The following GPC5 variants were observed in gnomAD, a reference collection of about 807,000 sequenced individuals.
GPC5 encodes glypican 5.
GPC5 carries 47 observed loss-of-function variants against 53.9 expected under a neutral mutation model. That is an observed-to-expected ratio of 0.87 (90% confidence interval 0.69 to 1.11). GPC5 has a LOEUF of 1.11. Ranked by LOEUF, GPC5 falls within the 50% of genes most tolerant of loss-of-function variation. GPC5 has a pLI of 0.00. For missense variants in GPC5, 748 were observed against 713.1 expected (o/e 1.05, Z -0.56); for synonymous variants, 286 against 263.3 (o/e 1.09, Z -0.84).
At chr13:91,910,452 T>A (rs180902159) in intron 6 of GPC5, among the ~76,000 whole-genome samples, 13 of 152,356 alleles carry the variant, frequency 8.5e-5, no homozygotes, top group African/African-American at 2.9e-4. Flanking sequence ...AGTGTTTGTA[T>A]AAAATTTACT....
intron 7 of GPC5, among the ~76,000 whole-genome samples, chr13:92,640,632 T>C (rs1183997064): frequency 2.6e-5 from 4 of 152,102 alleles, no homozygotes; most frequent in Non-Finnish European, 5.9e-5. Flanking sequence ...GCTCCAAGGC[T>C]GTGACAAAGA....
intron 6 of GPC5, among the ~76,000 whole-genome samples, chr13:91,969,066 T>C (rs2040216367): frequency 6.6e-6 from 1 of 152,026 alleles, no homozygotes; most frequent in Admixed American, 6.6e-5. Context: ...CCTCCCAGGT[T>C]CAAGCGATTC....
chr13:91,907,426 T>TAA (rs957095265), intron 5 of GPC5, among the ~76,000 whole-genome samples: 4 of 145,754 alleles, frequency 2.7e-5, no homozygotes, highest in South Asian at 2.1e-4. Flanking sequence ...TGTATATATA[T>TAA]AATATATATT....
intron 7 of GPC5, among the ~76,000 whole-genome samples, chr13:92,628,440 C>T (rs1225306363): frequency 6.6e-6 from 1 of 151,880 alleles, no homozygotes; most frequent in African/African-American, 2.4e-5. Flanking sequence ...TTTCCCCAGG[C>T]TAGAGCCATT....
At chr13:92,432,118 A>G (rs1252871658) in intron 7 of GPC5, among the ~76,000 whole-genome samples, 3 of 152,132 alleles carry the variant, frequency 2.0e-5, no homozygotes, top group Non-Finnish European at 4.4e-5. Flanking sequence ...ACTTATAAGA[A>G]GAGAAACCAG....
intron 6 of GPC5, among the ~76,000 whole-genome samples, chr13:92,034,482 G>A (rs906771089): frequency 9.9e-5 from 15 of 152,020 alleles, no homozygotes; most frequent in African/African-American, 3.6e-4. Context: ...TGGGCAACAA[G>A]AGTGAAACTC....
intron 7 of GPC5, among the ~76,000 whole-genome samples, chr13:92,842,185 A>C (rs888913137): frequency 6.6e-6 from 1 of 152,148 alleles, no homozygotes; most frequent in Non-Finnish European, 1.5e-5. Flanking sequence ...TAGGTCCAGT[A>C]CTGGATTTTG....
At chr13:91,740,910 G>A (rs1295776666) in intron 4 of GPC5, among the ~76,000 whole-genome samples, 1 of 152,122 alleles carries the variant, frequency 6.6e-6, no homozygotes, top group Non-Finnish European at 1.5e-5. Context: ...TTTCAAAGTG[G>A]TGTGGCTGTG....
intron 7 of GPC5, among the ~76,000 whole-genome samples, chr13:92,858,482 A>T (rs979448326): frequency 2.0e-5 from 3 of 152,138 alleles, no homozygotes; most frequent in African/African-American, 7.2e-5. Flanking sequence ...ATGCAGCTAT[A>T]AAAAAATGAC....
At chr13:91,855,055 ATC>A (rs1389364705) in intron 5 of GPC5, among the ~76,000 whole-genome samples, 4 of 151,916 alleles carry the variant, frequency 2.6e-5, no homozygotes, top group Non-Finnish European at 4.4e-5. Context: ...AAATTGAAGC[ATC>A]TCTGTTACTA....
At chr13:92,135,711 C>T (rs2041778867) in intron 6 of GPC5, among the ~76,000 whole-genome samples, 1 of 152,096 alleles carries the variant, frequency 6.6e-6, no homozygotes, top group South Asian at 2.1e-4. Context: ...ATTGCATAAA[C>T]CAAATGCCAA....
rs375411767 is a variant in GPC5, at chr13:91,411,095, G to A, written c.163+11886G>A. Among the ~76,000 whole-genome samples the A allele has an allele frequency of 2.2e-3, 339 of 152,324 alleles. 4 individuals carry two copies. The highest frequency in any genetic ancestry group is 1.0e-2 in the South Asian group (48 of 4,822). On this transcript the variant is annotated intron_variant, in intron 1 of 7. Transcript: ENST00000377067. The stretch of plus-strand genomic sequence containing the variant: ...CTGCACTCCAGCCTGGCGTCAGAGC[G>A]AGACTCTGTCTCAAAAAGACAAACA...
chr13:91,840,647 A>G (rs2038775240), intron 5 of GPC5, among the ~76,000 whole-genome samples: 1 of 151,730 alleles, frequency 6.6e-6, no homozygotes, highest in South Asian at 2.1e-4. Context: ...CTTACAATGC[A>G]TTTTCTATTT....
intron 5 of GPC5, among the ~76,000 whole-genome samples, chr13:91,844,809 T>C (rs2038829840): frequency 1.3e-5 from 2 of 152,108 alleles, no homozygotes; most frequent in African/African-American, 4.8e-5. Flanking sequence ...TGCTGCAACC[T>C]CCACCTCCCA....
chr13:92,851,887 C>CAAAAAA (rs71202563), intron 7 of GPC5, among the ~76,000 whole-genome samples: 6 of 59,184 alleles, frequency 1.0e-4, no homozygotes, highest in Admixed American at 1.9e-4. Flanking sequence ...GACTCCGTCT[C>CAAAAAA]AAAAAAAAAA....
chr13:92,538,350 C>T (rs1881793945), intron 7 of GPC5, among the ~76,000 whole-genome samples: 1 of 151,352 alleles, frequency 6.6e-6, no homozygotes, highest in African/African-American at 2.4e-5. Context: ...TCCTGTCCTA[C>T]TCTTTTCTTT....
intron 7 of GPC5, among the ~76,000 whole-genome samples, chr13:92,158,983 A>G (rs984075144): frequency 6.6e-6 from 1 of 152,196 alleles, no homozygotes; most frequent in African/African-American, 2.4e-5. Flanking sequence ...CCCATATCTC[A>G]GTGAAATGAG....
intron 7 of GPC5, among the ~76,000 whole-genome samples, chr13:92,283,695 G>A (rs1244977542): frequency 2.0e-5 from 3 of 152,204 alleles, no homozygotes; most frequent in African/African-American, 4.8e-5. Context: ...TGAAACCAAT[G>A]AGAACAAAGA....
intron 6 of GPC5, among the ~76,000 whole-genome samples, chr13:92,138,728 G>A (rs1224450352): frequency 1.3e-5 from 2 of 152,022 alleles, no homozygotes; most frequent in African/African-American, 4.8e-5. Flanking sequence ...AGAGTAAGAT[G>A]TGAAATAATA....
Sources: gnomAD v4.1 joint callset for allele counts (sites outside exome capture counted in the v4.1 genomes callset) on GRCh38, gnomAD v4.1.1 for gene constraint, MANE v1.5 for transcripts, NCBI Gene and HGNC (gene_info 2026-07-23, HGNC 2026-07-21) for gene names.